SMYD3: variants seen among roughly 807,000 people sequenced by gnomAD.
SMYD3 encodes the protein histone-lysine N-methyltransferase SMYD3.
SMYD3 carries 36 observed loss-of-function variants against 57.7 expected under a neutral mutation model. The ratio of observed to expected loss-of-function variants is 0.62; its 90% CI spans 0.48 to 0.82. The LOEUF (loss-of-function observed/expected upper bound fraction) is 0.82. Ranked by LOEUF, SMYD3 falls within the 40% of genes least tolerant of loss-of-function variation. The pLI is 0.00. For synonymous variants in SMYD3, 211 were observed against 195.0 expected (o/e 1.08, Z -0.68); for missense variants, 515 against 538.8 (o/e 0.96, Z 0.44).
At chr1:245,919,065 G>A (rs917287972) in intron 7 of SMYD3, among the ~76,000 whole-genome samples, 2 of 152,050 alleles carry the variant, frequency 1.3e-5, no homozygotes, top group Admixed American at 6.5e-5. Flanking sequence ...AGCCTCCCTC[G>A]GCATACTGTA....
intron 5 of SMYD3, among the ~76,000 whole-genome samples, chr1:245,936,854 CAA>C (rs1337105488): frequency 1.7e-4 from 26 of 150,202 alleles, no homozygotes; most frequent in African/African-American, 5.9e-4. Context: ...GTCCCCGCCA[CAA>C]AAAAAAATGT....
chr1:246,331,431 A>T (rs936152383), intron 3 of SMYD3, among the ~76,000 whole-genome samples: 2 of 152,246 alleles, frequency 1.3e-5, no homozygotes, highest in African/African-American at 4.8e-5. Flanking sequence ...TTATAAAGGC[A>T]ATGTAACAGA....
At chr1:245,824,658 C>T (rs2049369320) in intron 10 of SMYD3, among the ~76,000 whole-genome samples, 1 of 152,098 alleles carries the variant, frequency 6.6e-6, no homozygotes, top group South Asian at 2.1e-4. Flanking sequence ...GAGTTGGAGA[C>T]CAGCCTGATC....
intron 8 of SMYD3, among the ~76,000 whole-genome samples, chr1:245,873,889 T>C (rs2052353916): frequency 6.6e-6 from 1 of 152,188 alleles, no homozygotes; most frequent in South Asian, 2.1e-4. Flanking sequence ...TGGCCAGCTG[T>C]GAGGCCTAGA....
At position 246,269,547 on chromosome 1, in the gene SMYD3, T is replaced by TTTC. The variant is rs2064179091; in HGVS notation, c.531+57653_531+57654insGAA. Among the ~76,000 whole-genome samples the TTTC allele has an allele frequency of 2.6e-5, 4 of 151,170 alleles. 1 individual carries two copies. The South Asian group carries it at 8.5e-4, about 32-fold the overall frequency. ...TCTTTCTGTTTCTTTTTTTTTCTTT[T>TTTC]TTTTTTTTGTTTTTGTTGTTTTGTT... On this transcript the variant is annotated intron_variant, in intron 5 of 11. Coordinates refer to ENST00000490107, the MANE Select transcript of SMYD3 (RefSeq NM_001167740.2).
At chr1:245,973,495 T>C (rs79437013) in intron 5 of SMYD3, among the ~76,000 whole-genome samples, 170 of 152,162 alleles carry the variant, frequency 1.1e-3, no homozygotes, top group Admixed American at 3.5e-3. Flanking sequence ...AGGAGTTTTA[T>C]CACAAAAAAA....
chr1:245,887,740 G>C (rs558811203), intron 8 of SMYD3, among the ~76,000 whole-genome samples: 15 of 152,150 alleles, frequency 9.9e-5, no homozygotes, highest in Admixed American at 3.9e-4. Context: ...ACTGTGTCTG[G>C]GTATCTATCT....
At chr1:246,076,502 A>AT (rs1024926978) in intron 5 of SMYD3, among the ~76,000 whole-genome samples, 47 of 152,308 alleles carry the variant, frequency 3.1e-4, no homozygotes, top group African/African-American at 1.0e-3. Context: ...GTTTAAAAAA[A>AT]AATCCAAAAT....
intron 5 of SMYD3, among the ~76,000 whole-genome samples, chr1:246,068,963 A>C (rs949538574): frequency 6.6e-6 from 1 of 152,230 alleles, no homozygotes. Context: ...TGAAACCATC[A>C]AAAACCAACA....
intron 1 of SMYD3, among the ~76,000 whole-genome samples, chr1:246,485,951 G>A (rs1291995820): frequency 1.3e-5 from 2 of 152,170 alleles, no homozygotes; most frequent in Non-Finnish European, 2.9e-5. Context: ...AAGACTAAAT[G>A]AGATAATGCA....
intron 1 of SMYD3, among the ~76,000 whole-genome samples, chr1:246,405,922 AAAAG>A (rs1346988201): frequency 0.021 from 3,068 of 148,986 alleles, 89 homozygotes; most frequent in Non-Finnish European, 0.034. Flanking sequence ...AAAAAAAAAA[AAAAG>A]AAAGAAAGAA....
At chr1:245,887,658 G>T (rs997439750) in intron 8 of SMYD3, among the ~76,000 whole-genome samples, 2 of 152,148 alleles carry the variant, frequency 1.3e-5, no homozygotes, top group South Asian at 4.2e-4. Flanking sequence ...ACTGACCAGG[G>T]ATTTTTTTTC....
chr1:246,125,057 G>A (rs2061486654), intron 5 of SMYD3, among the ~76,000 whole-genome samples: 1 of 105,608 alleles, frequency 9.5e-6, no homozygotes, highest in Non-Finnish European at 1.8e-5. Flanking sequence ...GGGCGACAGA[G>A]CGAGACTCCG....
At chr1:245,987,900 TAAAAAGA>T (rs1207063675) in intron 5 of SMYD3, among the ~76,000 whole-genome samples, 2 of 152,032 alleles carry the variant, frequency 1.3e-5, no homozygotes, top group African/African-American at 4.8e-5. Flanking sequence ...CTCTGAAACT[TAAAAAGA>T]AAAAAGAAAA....
intron 5 of SMYD3, among the ~76,000 whole-genome samples, chr1:245,980,356 T>A (rs963215776): frequency 6.6e-6 from 1 of 152,216 alleles, no homozygotes; most frequent in African/African-American, 2.4e-5. Flanking sequence ...ACTCCTGTGA[T>A]GTGAGATCCC....
At chr1:246,045,730 C>G (rs113460334) in intron 5 of SMYD3, among the ~76,000 whole-genome samples, 70,112 of 151,570 alleles carry the variant, frequency 0.46, 17,601 homozygotes, top group East Asian at 0.8. Flanking sequence ...ATAATCTACC[C>G]ATTTGACAAA....
At chr1:245,801,973 C>T (rs143463239) in intron 10 of SMYD3, among the ~76,000 whole-genome samples, 7 of 150,050 alleles carry the variant, frequency 4.7e-5, no homozygotes, top group Non-Finnish European at 7.4e-5. Context: ...AATATAATAA[C>T]GCCATTTGTA....
intron 5 of SMYD3, among the ~76,000 whole-genome samples, chr1:246,165,332 G>A (rs1423546076): frequency 6.6e-6 from 1 of 152,184 alleles, no homozygotes; most frequent in Non-Finnish European, 1.5e-5. Context: ...GTGGAGCAAA[G>A]GCATTACTTC....
chr1:246,372,210 C>T (rs1008635511), intron 1 of SMYD3, among the ~76,000 whole-genome samples: 2 of 152,178 alleles, frequency 1.3e-5, no homozygotes, highest in Admixed American at 6.5e-5. Flanking sequence ...AGCCATGGAA[C>T]GACAGTTAAC....
Sources: gnomAD v4.1 joint callset for allele counts (sites outside exome capture counted in the v4.1 genomes callset) on GRCh38, gnomAD v4.1.1 for gene constraint, MANE v1.5 for transcripts, NCBI Gene and HGNC (gene_info 2026-07-23, HGNC 2026-07-21) for gene names.